The following ZNF536 variants were observed in gnomAD, a reference collection of about 807,000 sequenced individuals.
The protein encoded by ZNF536 is zinc finger protein 536.
A neutral mutation model predicts 84.5 loss-of-function variants in ZNF536; 13 were observed. That is an observed-to-expected ratio of 0.15 (90% CI 0.10 to 0.24). The LOEUF (loss-of-function observed/expected upper bound fraction) is 0.24. ZNF536 is among the 10% of genes least tolerant of loss of function. The probability of loss-of-function intolerance (pLI) is 1.00; values close to 1 mark genes in which losing one functional copy is unlikely to be tolerated. For missense variants in ZNF536, 1,536 were observed against 1,747.5 expected, an observed-to-expected ratio of 0.88 and a Z score of 2.16; for synonymous variants, 811 against 742.5, an observed-to-expected ratio of 1.09 and a Z score of -1.50.
chr19:30,420,316 C>G (rs1426028510), intron 1 of ZNF536, among the ~76,000 whole-genome samples: 2 of 152,206 alleles, frequency 1.3e-5, no homozygotes, highest in African/African-American at 4.8e-5. Flanking sequence ...GAAGACCCCA[C>G]AAGACCAACT....
intron 2 of ZNF536, among the ~76,000 whole-genome samples, chr19:30,339,508 C>T (rs1472393998): frequency 1.3e-5 from 2 of 152,104 alleles, no homozygotes; most frequent in African/African-American, 2.4e-5. Flanking sequence ...CCATTGATGC[C>T]CTTGGTCTCA....
intron 1 of ZNF536, among the ~76,000 whole-genome samples, chr19:30,580,153 G>T (rs941257206): frequency 6.6e-6 from 1 of 152,140 alleles, no homozygotes. Flanking sequence ...CAGTGGTTCT[G>T]GTATTGGCAA....
intron 1 of ZNF536, among the ~76,000 whole-genome samples, chr19:30,659,674 T>G (rs192338702): frequency 8.0e-4 from 122 of 152,244 alleles, no homozygotes; most frequent in African/African-American, 2.9e-3. Flanking sequence ...CCATCAGATC[T>G]TGTGAGAACT....
chr19:30,698,812 A>T (rs1368862290), intron 1 of ZNF536, among the ~76,000 whole-genome samples: 1 of 152,204 alleles, frequency 6.6e-6, no homozygotes, highest in Non-Finnish European at 1.5e-5. Context: ...TTTGGAAGGA[A>T]GTCACTTGGC....
intron 1 of ZNF536, among the ~76,000 whole-genome samples, chr19:30,382,537 C>G (rs1008318107): frequency 1.1e-4 from 16 of 151,260 alleles, no homozygotes; most frequent in African/African-American, 3.6e-4. Flanking sequence ...ATTGATTAAG[C>G]ATTCTTTTGG....
intron 1 of ZNF536, among the ~76,000 whole-genome samples, chr19:30,635,995 T>A (rs2049052076): frequency 6.6e-6 from 1 of 152,178 alleles, no homozygotes; most frequent in Non-Finnish European, 1.5e-5. Flanking sequence ...CTGTGCAAGG[T>A]GCCAGTGGCT....
chr19:30,468,960 C>T (rs2053524120), intron 2 of ZNF536, among the ~76,000 whole-genome samples: 1 of 152,040 alleles, frequency 6.6e-6, no homozygotes, highest in Non-Finnish European at 1.5e-5. Flanking sequence ...AAGGGGGGCC[C>T]CTCCAGGCCT....
chr19:30,557,432 G>GA lies in ZNF536; in HGVS notation c.*272dup, dbSNP rs1428333541. 5.6e-5 allele frequency: 20 copies of GA among 354,804 alleles called. No homozygotes were observed. The allele number at this position is 354,804 out of a possible 1,614,324, so 22.0% of individuals were successfully genotyped here. On this transcript the variant is annotated 3_prime_UTR_variant, in exon 5 of 5. Coordinates refer to ENST00000355537, the MANE Select transcript of ZNF536 (RefSeq NM_014717.3). Reference sequence around the variant, plus strand: ...AAGGCTTAGTAACTTGAGCAGGAGAGAAAACTCCCTCAAAGTCATAAATCC... The same window carrying GA: ...AAGGCTTAGTAACTTGAGCAGGAGAGAAAAACTCCCTCAAAGTCATAAATCC...
At chr19:30,709,202 T>C (rs2052364721) in intron 1 of ZNF536, among the ~76,000 whole-genome samples, 1 of 152,170 alleles carries the variant, frequency 6.6e-6, no homozygotes, top group Admixed American at 6.5e-5. Flanking sequence ...CCACCTCCTG[T>C]TCCAAATTAC....
At chr19:30,414,185 CT>C (rs1323440062) in intron 1 of ZNF536, among the ~76,000 whole-genome samples, 20 of 149,156 alleles carry the variant, frequency 1.3e-4, no homozygotes, top group South Asian at 4.3e-4. Flanking sequence ...TCACTACTTA[CT>C]TTTGTTTTAT....
chr19:30,460,325 AG>A (rs2053076977), intron 2 of ZNF536, among the ~76,000 whole-genome samples: 1 of 152,110 alleles, frequency 6.6e-6, no homozygotes, highest in African/African-American at 2.4e-5. Context: ...CAGACGGAGG[AG>A]GAGGCATGGA....
At chr19:30,695,128 G>A (rs769712614) in intron 1 of ZNF536, among the ~76,000 whole-genome samples, 1 of 152,194 alleles carries the variant, frequency 6.6e-6, no homozygotes, top group Non-Finnish European at 1.5e-5. Context: ...GAGGAAAACA[G>A]CAAGGCATGG....
At chr19:30,647,273 T>C (rs2049510475) in intron 1 of ZNF536, among the ~76,000 whole-genome samples, 1 of 152,238 alleles carries the variant, frequency 6.6e-6, no homozygotes, top group Non-Finnish European at 1.5e-5. Context: ...CTTACTGGTG[T>C]TTAATTTCTT....
At chr19:30,318,306 A>T (rs1479055204) in intron 2 of ZNF536, among the ~76,000 whole-genome samples, 2 of 152,236 alleles carry the variant, frequency 1.3e-5, no homozygotes, top group Non-Finnish European at 2.9e-5. Context: ...ATCAAACCTC[A>T]TATCAGTTAC....
chr19:30,688,576 C>T (rs1287384655), intron 1 of ZNF536, among the ~76,000 whole-genome samples: 1 of 152,206 alleles, frequency 6.6e-6, no homozygotes, highest in Non-Finnish European at 1.5e-5. Flanking sequence ...CCGCGATACA[C>T]ATTTATCTGT....
chr19:30,531,839 G>T (rs913959202), intron 2 of ZNF536, among the ~76,000 whole-genome samples: 1 of 152,044 alleles, frequency 6.6e-6, no homozygotes, highest in Non-Finnish European at 1.5e-5. Flanking sequence ...TGCCCAGGCT[G>T]GTCTGGAACT....
chr19:30,505,066 C>T (rs923022914), intron 2 of ZNF536, among the ~76,000 whole-genome samples: 9 of 151,918 alleles, frequency 5.9e-5, no homozygotes, highest in African/African-American at 2.2e-4. Context: ...TGGGAGAAAC[C>T]AGACACTCTT....
At position 30,557,294 on chromosome 19, in the gene ZNF536, C is replaced by A; in HGVS notation, c.*130C>A. Reference sequence around the variant, plus strand: ...TACACATATGTGTGTTGAATAATTACTATTGGCATAGGTATGTGTATACAC... The same window carrying A: ...TACACATATGTGTGTTGAATAATTAATATTGGCATAGGTATGTGTATACAC... On this transcript the variant is annotated 3_prime_UTR_variant, in exon 5 of 5. Transcript: ENST00000355537. 2.9e-6 allele frequency: 3 copies of A among 1,048,072 alleles called. No individual in the cohort carries two copies. The allele number at this position is 1,048,072 out of a possible 1,614,324, so 64.9% of individuals were successfully genotyped here.
chr19:30,233,210 G>T (rs1007499050), intron 1 of ZNF536, among the ~76,000 whole-genome samples: 2 of 152,234 alleles, frequency 1.3e-5, no homozygotes, highest in Non-Finnish European at 2.9e-5. Flanking sequence ...GGTGGTGTCG[G>T]GGGTTGGGGC....
Sources: gnomAD v4.1 joint callset for allele counts (sites outside exome capture counted in the v4.1 genomes callset) on GRCh38, gnomAD v4.1.1 for gene constraint, MANE v1.5 for transcripts, NCBI Gene and HGNC (gene_info 2026-07-23, HGNC 2026-07-21) for gene names.